MAST2: variants seen among roughly 807,000 people sequenced by gnomAD.
MAST2 encodes the protein microtubule associated serine/threonine kinase 2, also known as microtubule-associated serine/threonine-protein kinase 2.
MAST2 carries 70 observed loss-of-function variants against 147.4 expected under a neutral mutation model. The observed-to-expected ratio is 0.47, with a 90% CI of 0.39 to 0.58. The LOEUF (loss-of-function observed/expected upper bound fraction) is 0.58, where lower values mean the gene tolerates loss of function less well. Among genes scored for constraint, MAST2 ranks in the 20% least tolerant of loss-of-function variants. MAST2 has a pLI of 0.00. For missense variants in MAST2, 2,080 were observed against 2,302.3 expected (o/e 0.90, Z 1.98); for synonymous variants, 869 against 896.8 (o/e 0.97, Z 0.55).
intron 4 of MAST2, among the ~76,000 whole-genome samples, chr1:45,898,170 C>T (rs1262160343): frequency 2.0e-5 from 3 of 152,032 alleles, no homozygotes; most frequent in African/African-American, 7.2e-5. Context: ...AGTAGTTATA[C>T]AAGTGCGCTC....
intron 3 of MAST2, among the ~76,000 whole-genome samples, chr1:45,851,919 G>A (rs1481088002): frequency 1.3e-5 from 2 of 151,974 alleles, no homozygotes; most frequent in Non-Finnish European, 2.9e-5. Flanking sequence ...CATTTATAGG[G>A]AGATACTAAA....
chr1:45,883,912 G>GCCCCA lies in MAST2; in HGVS notation c.500+1521_500+1522insACCCC, dbSNP rs1646961409. 8.0e-4 allele frequency among the ~76,000 whole-genome samples: 2 copies of GCCCCA among 2,488 alleles called. 1 individual carries two copies. Among genetic ancestry groups the GCCCCA allele is most frequent in the African/African-American group, 1.7e-3 (2 of 1,158 alleles). The allele number at this position is 2,488 out of a possible 152,430, so 1.6% of individuals were successfully genotyped here. The stretch of plus-strand genomic sequence containing the variant: ...ACTTGGTCATTTTTCTACTATTTCT[G>GCCCCA]CCCCCCCCGCTTTTTTTTGGTTGCT... On this transcript the variant is annotated intron_variant, in intron 4 of 28. Coordinates refer to ENST00000361297, the MANE Select transcript of MAST2 (RefSeq NM_015112.3).
intron 3 of MAST2, among the ~76,000 whole-genome samples, chr1:45,830,632 C>T (rs544894974): frequency 2.6e-5 from 4 of 152,124 alleles, no homozygotes; most frequent in Non-Finnish European, 5.9e-5. Flanking sequence ...AAATCTGGTA[C>T]AGTTGTGCTG....
intron 1 of MAST2, 38 bp from the exon 2 acceptor site, chr1:45,824,395 T>G: frequency 6.6e-7 from 1 of 1,512,416 alleles, no homozygotes; most frequent in South Asian, 1.3e-5. Flanking sequence ...TCAGAGGAGA[T>G]ATTAAAGACT....
At chr1:45,960,485 A>G (rs992597360) in intron 5 of MAST2, among the ~76,000 whole-genome samples, 3 of 152,176 alleles carry the variant, frequency 2.0e-5, no homozygotes, top group Non-Finnish European at 4.4e-5. Flanking sequence ...CTGGGCAGCA[A>G]CAGAATGAGA....
At chr1:45,971,767 A>G (rs760331357) in intron 5 of MAST2, among the ~76,000 whole-genome samples, 32 of 152,344 alleles carry the variant, frequency 2.1e-4, no homozygotes, top group African/African-American at 6.3e-4. Context: ...TATTATAGTC[A>G]TCAATGCTAC....
chr1:45,967,994 A>C (rs539234412), intron 5 of MAST2, among the ~76,000 whole-genome samples: 32 of 152,364 alleles, frequency 2.1e-4, no homozygotes, highest in African/African-American at 7.2e-4. Context: ...AAGCACCCCC[A>C]GTCCAAAAAT....
chr1:45,967,904 A>G (rs549447679), intron 5 of MAST2, among the ~76,000 whole-genome samples: 2 of 152,364 alleles, frequency 1.3e-5, no homozygotes, highest in East Asian at 1.9e-4. Context: ...TTTCACTTAT[A>G]TATAAGCACA....
chr1:45,902,063 T>C (rs1227318009), intron 4 of MAST2, among the ~76,000 whole-genome samples: 1 of 152,188 alleles, frequency 6.6e-6, no homozygotes, highest in Non-Finnish European at 1.5e-5. Context: ...TTCCATTTCT[T>C]AGAGGGAATG....
Position 46,033,994 on chromosome 1 carries a change from G to C in MAST2, c.3674+56G>C, listed in dbSNP as rs1646789114. ...CTGAGCCACATGAGTGCTGGTACGT[G>C]GTGGGTGCCTTGGCCCTGGGGGTCC... On this transcript the variant is annotated intron_variant, in intron 27 of 28. Coordinates refer to ENST00000361297, the MANE Select transcript of MAST2 (RefSeq NM_015112.3). The C allele has an allele frequency of 4.4e-6, 7 of 1,608,382 alleles. No individual in the cohort carries two copies. The Admixed American group carries it at 5.0e-5, about 12-fold the overall frequency.
In MAST2 at chr1:46,035,410, A is replaced by G; in HGVS notation, c.4741A>G (p.Arg1581Gly). 6.2e-7 allele frequency: 1 copy of G among 1,612,518 alleles called. No individual in the cohort carries two copies. The highest frequency in any genetic ancestry group is 8.5e-7 in the Non-Finnish European group (1 of 1,179,576). ...PRMESPSGPH[R>G]RLGSPQAIEE... The stretch of plus-strand genomic sequence containing the variant: ...AATGGAAAGTCCCAGTGGTCCCCAC[A>G]GGAGGCTCGGGAGCCCACAAGCCAT... Residue 1581 changes from arginine (R) to glycine (G), a missense_variant, in exon 29 of 29, where the codon AGG becomes GGG. Transcript: ENST00000361297. This position sits in a 1 kb window ranked among gnomAD's most constrained non-coding sequence, Gnocchi z 5.5.
intron 4 of MAST2, among the ~76,000 whole-genome samples, chr1:45,890,674 G>T (rs1405403162): frequency 1.3e-5 from 2 of 152,124 alleles, no homozygotes; most frequent in African/African-American, 4.8e-5. Flanking sequence ...GAATTTTGGG[G>T]AGACACAGTT....
intron 4 of MAST2, among the ~76,000 whole-genome samples, chr1:45,953,735 A>G (rs181072106): frequency 6.6e-6 from 1 of 152,340 alleles, no homozygotes; most frequent in East Asian, 1.9e-4. Flanking sequence ...AGAGGAATGA[A>G]ATAATCAGAT....
chr1:46,004,837 T>G (rs1230304879), intron 7 of MAST2, among the ~76,000 whole-genome samples: 1 of 152,126 alleles, frequency 6.6e-6, no homozygotes, highest in Non-Finnish European at 1.5e-5. Context: ...GCCTATAATC[T>G]CAGCACTTTG....
At chr1:45,933,755 C>CA (rs1307917138) in intron 4 of MAST2, among the ~76,000 whole-genome samples, 30 of 149,418 alleles carry the variant, frequency 2.0e-4, no homozygotes, top group East Asian at 1.8e-3. Flanking sequence ...AACTCAGTCT[C>CA]AAAAAAAAAG....
chr1:46,034,420 A>AGG, intron 28 of MAST2, 118 bp from the exon 29 acceptor site: 1 of 1,332,714 alleles, frequency 7.5e-7, no homozygotes, highest in South Asian at 1.5e-5. Flanking sequence ...TTGATGGGGA[A>AGG]GGGGGTAGCT....
chr1:45,957,625 C>G (rs988334785), intron 4 of MAST2, among the ~76,000 whole-genome samples: 5 of 152,008 alleles, frequency 3.3e-5, no homozygotes, highest in African/African-American at 1.2e-4. Context: ...ACATGCCCAG[C>G]TATTTTTTTT....
chr1:45,837,596 T>G (rs1645141206), intron 3 of MAST2, among the ~76,000 whole-genome samples: 1 of 152,202 alleles, frequency 6.6e-6, no homozygotes, highest in South Asian at 2.1e-4. Flanking sequence ...TTTTTGTTTT[T>G]GTTTTGGTGT....
chr1:45,913,735 T>C, intron 4 of MAST2: 1 of 1,012,982 alleles, frequency 9.9e-7, no homozygotes, highest in African/African-American at 1.7e-5. Flanking sequence ...GAAGCTTTTA[T>C]AATTTCCTTT....
Sources: allele counts gnomAD v4.1 joint callset (sites outside exome capture counted in the v4.1 genomes callset), GRCh38; gene constraint gnomAD v4.1.1; non-coding constraint Gnocchi (gnomAD v3.1); transcripts MANE v1.5; gene names NCBI Gene and HGNC (gene_info 2026-07-23, HGNC 2026-07-21).